SPATA16: variants seen among roughly 807,000 people sequenced by gnomAD.
The protein encoded by SPATA16 is spermatogenesis-associated protein 16.
In SPATA16, 36 loss-of-function variants were observed where a neutral mutation model predicts 63.3. The observed-to-expected ratio is 0.57, with a 90% confidence interval of 0.44 to 0.75. The LOEUF (loss-of-function observed/expected upper bound fraction) is 0.75, where lower values mean the gene tolerates loss of function less well. SPATA16 is among the 30% of genes least tolerant of loss of function. The pLI, the probability that SPATA16 is intolerant of heterozygous loss-of-function variation, is 0.00. For synonymous variants in SPATA16, 203 were observed against 216.7 expected, an observed-to-expected ratio of 0.94 and a Z score of 0.56; for missense variants, 646 against 679.3, an observed-to-expected ratio of 0.95 and a Z score of 0.54.
chr3:173,062,621 AG>A (rs1736407836), intron 2 of SPATA16, among the ~76,000 whole-genome samples: 1 of 152,176 alleles, frequency 6.6e-6, no homozygotes. Flanking sequence ...ATTGAAATTC[AG>A]GTTTGCTGTC....
chr3:173,088,008 G>T (rs67180006), intron 2 of SPATA16, among the ~76,000 whole-genome samples: 5,764 of 90,928 alleles, frequency 0.063, 477 homozygotes, highest in African/African-American at 0.11. Context: ...TTTTCTTTCC[G>T]TCTTTCTTTC....
intron 1 of SPATA16, among the ~76,000 whole-genome samples, chr3:173,136,380 TAGTA>T (rs1738546346): frequency 6.6e-6 from 1 of 152,058 alleles, no homozygotes; most frequent in Non-Finnish European, 1.5e-5. Flanking sequence ...TGTGGGGACA[TAGTA>T]GGTATATATA....
chr3:173,108,915 G>A (rs1268382122), intron 2 of SPATA16, among the ~76,000 whole-genome samples: 1 of 152,152 alleles, frequency 6.6e-6, no homozygotes, highest in Non-Finnish European at 1.5e-5. Flanking sequence ...GCTAGTGTAA[G>A]TGCAGTCTAT....
At chr3:172,901,385 A>G (rs1709142700) in intron 10 of SPATA16, among the ~76,000 whole-genome samples, 1 of 152,018 alleles carries the variant, frequency 6.6e-6, no homozygotes, top group Non-Finnish European at 1.5e-5. Flanking sequence ...TTTTTAGTAG[A>G]GATGGAGTTT....
chr3:172,930,658 A>G (rs1276047399), intron 6 of SPATA16, among the ~76,000 whole-genome samples: 2 of 138,248 alleles, frequency 1.4e-5, no homozygotes, highest in Non-Finnish European at 3.0e-5. Context: ...TCCTGGGTTC[A>G]CACCATTCTC....
Position 173,065,363 on chromosome 3 carries a change from A to G in SPATA16, c.613-16269T>C, listed in dbSNP as rs11922570. On this transcript the variant is annotated intron_variant, in intron 2 of 10. Transcript: ENST00000351008. ...TTCCATCTCTGTTGCTTCTTAGTTC[A>G]AATGGTACTGACATCTGGTTAATAT... Among the ~76,000 whole-genome samples, 1,141 of 152,282 alleles carry G rather than the reference A, an allele frequency of 7.5e-3. 13 individuals carry two copies. The highest frequency in any genetic ancestry group is 0.026 in the African/African-American group (1,093 of 41,546).
At chr3:173,138,530 G>A (rs73032637) in intron 1 of SPATA16, among the ~76,000 whole-genome samples, 2,701 of 152,068 alleles carry the variant, frequency 0.018, 71 homozygotes, top group African/African-American at 0.061. Context: ...TGTTTGAAAG[G>A]CACATGCACA....
chr3:173,017,574 C>A (rs900721393), intron 4 of SPATA16, among the ~76,000 whole-genome samples: 3 of 152,184 alleles, frequency 2.0e-5, no homozygotes, highest in Admixed American at 2.0e-4. Flanking sequence ...TTTGCAATTT[C>A]AACAGTGTAG....
intron 10 of SPATA16, among the ~76,000 whole-genome samples, chr3:172,891,145 T>C (rs1399254551): frequency 2.0e-5 from 3 of 152,100 alleles, no homozygotes; most frequent in African/African-American, 7.2e-5. Flanking sequence ...ATTATTTGTA[T>C]TGACAATGTA....
chr3:173,046,722 C>T (rs889684407), intron 3 of SPATA16, among the ~76,000 whole-genome samples: 3 of 151,922 alleles, frequency 2.0e-5, no homozygotes, highest in African/African-American at 7.2e-5. Flanking sequence ...AGTAAATATC[C>T]TAATTAATTT....
chr3:172,903,344 C>G lies in SPATA16; in HGVS notation c.1587+10317G>C, dbSNP rs542717283. 2.0e-5 allele frequency among the ~76,000 whole-genome samples: 3 copies of G among 152,296 alleles called. No individual in the cohort carries two copies. The South Asian group carries it at 6.2e-4, about 32-fold the overall frequency. ...AAAAACTTTTGCAAAGATAAAACTCCTCTAATAGATTTGGACTAATACGAG... is the reference window on the plus strand; with the variant it reads ...AAAAACTTTTGCAAAGATAAAACTCGTCTAATAGATTTGGACTAATACGAG... On this transcript the variant is annotated intron_variant, in intron 10 of 10. Coordinates refer to ENST00000351008, the MANE Select transcript of SPATA16 (RefSeq NM_031955.6).
At chr3:172,990,818 A>G (rs1734558897) in intron 4 of SPATA16, among the ~76,000 whole-genome samples, 1 of 152,180 alleles carries the variant, frequency 6.6e-6, no homozygotes, top group Non-Finnish European at 1.5e-5. Context: ...AAGCAGGTCT[A>G]GGTGAACTCA....
At chr3:173,094,752 G>GAC (rs1443358295) in intron 2 of SPATA16, among the ~76,000 whole-genome samples, 13 of 148,748 alleles carry the variant, frequency 8.7e-5, no homozygotes, top group Non-Finnish European at 1.8e-4. Flanking sequence ...GGGTAATGGA[G>GAC]ACGGAAGGAC....
intron 5 of SPATA16, among the ~76,000 whole-genome samples, chr3:172,958,043 C>T (rs1054306687): frequency 2.0e-5 from 3 of 152,122 alleles, no homozygotes; most frequent in African/African-American, 7.2e-5. Context: ...GAATGAAATT[C>T]AACAAACTAT....
chr3:173,074,903 C>T (rs908309244), intron 2 of SPATA16, among the ~76,000 whole-genome samples: 1 of 145,876 alleles, frequency 6.9e-6, no homozygotes, highest in South Asian at 2.1e-4. Context: ...GAGGCTGAGG[C>T]AGGAGAATCA....
intron 10 of SPATA16, among the ~76,000 whole-genome samples, chr3:172,912,606 C>A (rs529368225): frequency 1.3e-4 from 20 of 152,136 alleles, no homozygotes; most frequent in African/African-American, 4.6e-4. Context: ...AGGGTGAAGA[C>A]CTTCACTTCC....
chr3:173,056,514 C>A (rs1381393589), intron 2 of SPATA16, among the ~76,000 whole-genome samples: 3 of 152,022 alleles, frequency 2.0e-5, no homozygotes, highest in African/African-American at 7.2e-5. Flanking sequence ...ACCAGCTTGG[C>A]CAACATAGTA....
Position 172,889,523 on chromosome 3 carries a change from G to A in SPATA16, c.*47C>T. 6.2e-7 allele frequency: 1 copy of A among 1,612,120 alleles called. No individual in the cohort carries two copies. Among genetic ancestry groups the A allele is most frequent in the African/African-American group, 1.3e-5 (1 of 74,984 alleles). On this transcript the variant is annotated 3_prime_UTR_variant, in exon 11 of 11. Transcript: ENST00000351008. ...GGTGGGCATTGGAGTGGATGCCCTTGCCTCTTCTTCTGGGATATCTTAGTG... is the reference window on the plus strand; with the variant it reads ...GGTGGGCATTGGAGTGGATGCCCTTACCTCTTCTTCTGGGATATCTTAGTG...
chr3:173,138,439 A>G (rs1047979471), intron 1 of SPATA16, among the ~76,000 whole-genome samples: 4 of 152,206 alleles, frequency 2.6e-5, no homozygotes, highest in Non-Finnish European at 4.4e-5. Flanking sequence ...TTTTAAAAAC[A>G]TCAGCTCAGA....
Sources: gnomAD v4.1 joint callset for allele counts (sites outside exome capture counted in the v4.1 genomes callset) on GRCh38, gnomAD v4.1.1 for gene constraint, MANE v1.5 for transcripts, NCBI Gene and HGNC (gene_info 2026-07-23, HGNC 2026-07-21) for gene names.